The following ERC1 variants were observed in gnomAD, a reference collection of about 807,000 sequenced individuals.
ERC1 encodes the protein ELKS/RAB6-interacting/CAST family member 1.
In ERC1, 56 loss-of-function variants were observed where a neutral mutation model predicts 132.0. The ratio of observed to expected loss-of-function variants is 0.42; its 90% CI spans 0.34 to 0.53. The LOEUF is 0.53. Among genes scored for constraint, ERC1 ranks in the 20% least tolerant of loss-of-function variants. The pLI, the probability that ERC1 is intolerant of heterozygous loss-of-function variation, is 0.03. For missense variants in ERC1, 1,202 were observed against 1,349.9 expected, an observed-to-expected ratio of 0.89 and a Z score of 1.72; for synonymous variants, 478 against 476.1, an observed-to-expected ratio of 1.00 and a Z score of -0.05.
At chr12:1,038,919 A>G (rs1333124837) in intron 2 of ERC1, among the ~76,000 whole-genome samples, 2 of 152,208 alleles carry the variant, frequency 1.3e-5, no homozygotes, top group Non-Finnish European at 1.5e-5. Flanking sequence ...ATATTTGGAT[A>G]TAGGCAGGGA....
intron 18 of ERC1, among the ~76,000 whole-genome samples, chr12:1,484,448 G>T (rs1372869053): frequency 6.6e-6 from 1 of 152,142 alleles, no homozygotes; most frequent in Non-Finnish European, 1.5e-5. Context: ...ATTAAATTTG[G>T]CTGATGAGAC....
chr12:1,059,928 A>C (rs1489405042), intron 2 of ERC1, among the ~76,000 whole-genome samples: 1 of 152,192 alleles, frequency 6.6e-6, no homozygotes, highest in Non-Finnish European at 1.5e-5. Flanking sequence ...GTTCTTTAAA[A>C]GTTTTGTAGA....
chr12:1,063,666 A>G (rs1199152343), intron 2 of ERC1, among the ~76,000 whole-genome samples: 2 of 152,148 alleles, frequency 1.3e-5, no homozygotes, highest in African/African-American at 4.8e-5. Flanking sequence ...TTCAGCCTAT[A>G]TCTTTTAATT....
At chr12:1,309,187 C>T (rs1212988851) in intron 15 of ERC1, among the ~76,000 whole-genome samples, 1 of 152,198 alleles carries the variant, frequency 6.6e-6, no homozygotes, top group African/African-American at 2.4e-5. Context: ...CTAAGATACA[C>T]CGCAACCATC....
At chr12:1,341,114 G>A (rs1312272414) in intron 15 of ERC1, among the ~76,000 whole-genome samples, 5 of 30,934 alleles carry the variant, frequency 1.6e-4, no homozygotes, top group Non-Finnish European at 3.0e-4. Context: ...TTTTTTTTGA[G>A]GCAGAGTCTT....
intron 2 of ERC1, among the ~76,000 whole-genome samples, chr12:1,062,277 C>T (rs73608414): frequency 0.019 from 2,885 of 151,992 alleles, 80 homozygotes; most frequent in African/African-American, 0.066. Flanking sequence ...CCAATGCGCC[C>T]GGCCTTTTCT....
At chr12:1,064,951 C>T (rs1267299104) in intron 2 of ERC1, among the ~76,000 whole-genome samples, 1 of 152,012 alleles carries the variant, frequency 6.6e-6, no homozygotes, top group African/African-American at 2.4e-5. Context: ...GCCATGTGGG[C>T]TTTATTCTTT....
chr12:1,289,091 A>T (rs1192199560), intron 14 of ERC1, among the ~76,000 whole-genome samples: 1 of 103,192 alleles, frequency 9.7e-6, no homozygotes, highest in Non-Finnish European at 2.0e-5. Flanking sequence ...ATGTACACAC[A>T]CACACACACA....
chr12:1,115,633 A>G lies in ERC1; in HGVS notation c.1402-233A>G, dbSNP rs769952350. On this transcript the variant is annotated intron_variant, in intron 6 of 18. Transcript: ENST00000360905. ...AGAGGTTTCAAAGAATATTTAGAAG[A>G]CACAATAAATGAAAACTGGACATTT... 6 of 412,374 alleles carry G rather than the reference A, an allele frequency of 1.5e-5. No individual in the cohort carries two copies. The South Asian group carries it at 2.2e-4, about 15-fold the overall frequency. 25.5% of individuals were successfully genotyped at this position (412,374 alleles called of 1,614,324 possible).
At chr12:1,274,911 C>A (rs752473722) in intron 14 of ERC1, among the ~76,000 whole-genome samples, 1 of 152,052 alleles carries the variant, frequency 6.6e-6, no homozygotes, top group Non-Finnish European at 1.5e-5. Flanking sequence ...TGTGTGGAGA[C>A]CCTAATGATG....
Position 1,355,768 on chromosome 12 carries a change from G to C in ERC1, c.2781-16065G>C, listed in dbSNP as rs573706479. On this transcript the variant is annotated intron_variant, in intron 15 of 18. Transcript: ENST00000360905. ...GGAAACTGAATTCACTCTACGAGGT[G>C]GGCACCAGTGAACCACTAAAGCTGA... Among the ~76,000 whole-genome samples the C allele has an allele frequency of 7.9e-5, 12 of 152,232 alleles. No individual in the cohort carries two copies. In the South Asian group the frequency reaches 2.5e-3, roughly 32 times the overall value.
chr12:1,051,391 T>C (rs1971937503), intron 2 of ERC1, among the ~76,000 whole-genome samples: 1 of 151,854 alleles, frequency 6.6e-6, no homozygotes, highest in South Asian at 2.1e-4. Context: ...TCGGTATAAT[T>C]AGAAATAAAG....
At chr12:1,083,139 G>A in intron 2 of ERC1, 25 bp from the exon 3 acceptor site, 1 of 1,577,458 alleles carries the variant, frequency 6.3e-7, no homozygotes, top group Non-Finnish European at 8.6e-7. Context: ...CTGATTTGGG[G>A]GTTTTCTTTT....
chr12:1,342,045 C>A (rs1444311857), intron 15 of ERC1, among the ~76,000 whole-genome samples: 2 of 151,568 alleles, frequency 1.3e-5, no homozygotes, highest in African/African-American at 4.9e-5. Flanking sequence ...GAGAAATACA[C>A]AAAACAGGAG....
At chr12:1,213,355 A>G (rs1431388744) in intron 12 of ERC1, among the ~76,000 whole-genome samples, 1 of 152,220 alleles carries the variant, frequency 6.6e-6, no homozygotes, top group Non-Finnish European at 1.5e-5. Context: ...GGTCATACTC[A>G]TCATTTCAAG....
intron 16 of ERC1, among the ~76,000 whole-genome samples, chr12:1,376,295 G>A (rs964223656): frequency 1.4e-4 from 21 of 151,640 alleles, no homozygotes; most frequent in African/African-American, 3.2e-4. Flanking sequence ...TTACATTTTC[G>A]TCACTGAAGA....
intron 8 of ERC1, among the ~76,000 whole-genome samples, chr12:1,155,047 G>A (rs1951237467): frequency 6.6e-6 from 1 of 152,190 alleles, no homozygotes; most frequent in Non-Finnish European, 1.5e-5. Flanking sequence ...GCTGGGCGTA[G>A]TGGCTCACAC....
chr12:1,394,048 C>G (rs374077970), intron 16 of ERC1, among the ~76,000 whole-genome samples: 1 of 61,642 alleles, frequency 1.6e-5, no homozygotes, highest in Admixed American at 1.4e-4. Context: ...AAAAAAACCA[C>G]AAAGCATTAA....
At position 1,076,182 on chromosome 12, in the gene ERC1, T is replaced by G. The variant is rs12817987; in HGVS notation, c.670-6982T>G. On this transcript the variant is annotated intron_variant, in intron 2 of 18. Transcript: ENST00000360905. ...TTATTTTTGGATAAGAACTTTATCC[T>G]GTACTTTTGCTGTGCTTCGTATAGT... Among the ~76,000 whole-genome samples the G allele has an allele frequency of 1.2e-3, 178 of 152,208 alleles. 1 individual carries two copies. The Middle Eastern group carries it at 0.017, about 15-fold the overall frequency.
Sources: allele counts gnomAD v4.1 joint callset (sites outside exome capture counted in the v4.1 genomes callset), GRCh38; gene constraint gnomAD v4.1.1; transcripts MANE v1.5; gene names NCBI Gene and HGNC (gene_info 2026-07-23, HGNC 2026-07-21).